The following PTCH2 variants were observed in gnomAD, a reference collection of about 807,000 sequenced individuals.
PTCH2 encodes the protein protein patched homolog 2.
PTCH2 carries 96 observed loss-of-function variants against 117.9 expected under a neutral mutation model. That is an observed-to-expected ratio of 0.81 (90% CI 0.69 to 0.96). The LOEUF (loss-of-function observed/expected upper bound fraction) is 0.96. PTCH2 is among the 50% of genes least tolerant of loss of function. The pLI, the probability that PTCH2 is intolerant of heterozygous loss-of-function variation, is 0.00. For missense variants in PTCH2, 1,379 were observed against 1,562.5 expected (o/e 0.88, Z 1.98); for synonymous variants, 615 against 660.9 (o/e 0.93, Z 1.06).
chr1:44,819,848 G>T (rs757919440), downstream of PTCH2: 1 of 152,934 alleles, frequency 6.5e-6, no homozygotes, highest in Non-Finnish European at 1.5e-5. Flanking sequence ...AAGTTCCTTG[G>T]TTGTAGTTGC....
intron 2 of PTCH2, among the ~76,000 whole-genome samples, chr1:44,838,624 C>A (rs771933019): frequency 6.6e-6 from 1 of 152,184 alleles, no homozygotes; most frequent in Non-Finnish European, 1.5e-5. Context: ...AGTCAAATTC[C>A]AAGTCTCACT....
chr1:44,839,318 C>T (rs2148884694), intron 2 of PTCH2, among the ~76,000 whole-genome samples: 2 of 132,644 alleles, frequency 1.5e-5, no homozygotes, highest in East Asian at 2.4e-4. Flanking sequence ...GCCGAGATTG[C>T]GTCACTGCAC....
intron 15 of PTCH2, 38 bp from the exon 16 acceptor site, chr1:44,827,347 C>A (rs370175353): frequency 2.5e-6 from 4 of 1,613,538 alleles, no homozygotes; most frequent in Non-Finnish European, 3.4e-6. Context: ...TAGCTGGTGG[C>A]CCCAGGGCGT....
At chr1:44,832,706 C>T (rs2148880640) in intron 2 of PTCH2, among the ~76,000 whole-genome samples, 1 of 152,290 alleles carries the variant, frequency 6.6e-6, no homozygotes, top group Non-Finnish European at 1.5e-5. Context: ...GGAACCCTCG[C>T]TCAGTCCCTC....
rs1456739317 is a variant in PTCH2, at chr1:44,823,770, C to T, written c.3115-385G>A. Among the ~76,000 whole-genome samples the T allele has an allele frequency of 1.3e-5, 2 of 152,108 alleles. No individual in the cohort carries two copies. Among genetic ancestry groups the T allele is most frequent in the African/African-American group, 2.4e-5 (1 of 41,414 alleles). On this transcript the variant is annotated intron_variant, in intron 19 of 21. Transcript: ENST00000372192. The surrounding 1 kb of genome is among the most constrained non-coding windows in gnomAD (Gnocchi z 5.1). ...CCTGGGAAACATGGCAAAACCCTGT[C>T]TCTATAACAAATACAAAAATTAGCT...
chr1:44,820,287 C>T (rs1372015856), downstream of PTCH2: 26 of 467,430 alleles, frequency 5.6e-5, no homozygotes, highest in East Asian at 5.1e-4. Context: ...CTCCTATGCT[C>T]CTCTCTGCTG....
At chr1:44,839,672 A>G (rs1424877348) in intron 2 of PTCH2, among the ~76,000 whole-genome samples, 1 of 152,154 alleles carries the variant, frequency 6.6e-6, no homozygotes, top group Non-Finnish European at 1.5e-5. Flanking sequence ...TCCAAGAGTC[A>G]TCTGGGACCA....
intron 6 of PTCH2, 112 bp from the exon 7 acceptor site, chr1:44,830,142 G>A: frequency 2.1e-6 from 3 of 1,429,990 alleles, no homozygotes; most frequent in Non-Finnish European, 2.9e-6. Context: ...TAGGGCTGGA[G>A]TGTAGGTAAC....
chr1:44,825,683 C>T (rs147644240), intron 19 of PTCH2, among the ~76,000 whole-genome samples: 4 of 151,774 alleles, frequency 2.6e-5, no homozygotes, highest in South Asian at 2.1e-4. Flanking sequence ...TGAGCCACCA[C>T]GCCCAGCTAA....
At chr1:44,839,381 A>AAAAAAC (rs1432034383) in intron 2 of PTCH2, among the ~76,000 whole-genome samples, 2 of 150,564 alleles carry the variant, frequency 1.3e-5, no homozygotes, top group African/African-American at 4.9e-5. Context: ...AAAAAAAAAA[A>AAAAAAC]AACAGAAAGA....
At chr1:44,825,201 G>C (rs1026203894) in intron 19 of PTCH2, among the ~76,000 whole-genome samples, 2 of 150,530 alleles carry the variant, frequency 1.3e-5, no homozygotes, top group African/African-American at 2.4e-5. Context: ...CAGTGGCATG[G>C]TCTCGGCTCA....
rs559122791 is a variant in PTCH2 at position 44,841,790 on chromosome 1, C to G, written c.265+57G>C. On this transcript the variant is annotated intron_variant, in intron 2 of 21. Transcript: ENST00000372192. ...GAGCTCAGTAGCCAGCTCCTCACCC[C>G]GTTCTTGTCTTGGGCTCACCATACC... 3.8e-6 allele frequency: 6 copies of G among 1,593,842 alleles called. No individual in the cohort carries two copies. In the Admixed American group the frequency reaches 1.0e-4, roughly 27 times the overall value.
Position 44,827,434 on chromosome 1 carries a change from G to C in PTCH2, c.2339C>G (p.Thr780Ser), listed in dbSNP as rs1653207667. 1 of 1,613,962 alleles carries C rather than the reference G, an allele frequency of 6.2e-7. No individual in the cohort carries two copies. The highest frequency in any genetic ancestry group is 8.5e-7 in the Non-Finnish European group (1 of 1,180,008). Reference protein sequence around the residue: ...LPPPATQAPRTWLHYYRNWLQ... With the variant: ...LPPPATQAPRSWLHYYRNWLQ... Reference sequence around the variant, plus strand: ...CCAGTTGCGGTAATAGTGCAGCCAGGTGCGGGGTGCCTGGGTGGCCGGTGG... The same window carrying C: ...CCAGTTGCGGTAATAGTGCAGCCAGCTGCGGGGTGCCTGGGTGGCCGGTGG... The change falls in exon 15 of 22, where the codon ACC becomes AGC. Residue 780 changes from threonine to serine, a missense_variant. Thr to Ser is a moderately conservative substitution (Grantham distance 58, BLOSUM62 1). Transcript: ENST00000372192.
rs11573548 is a variant in PTCH2, at chr1:44,839,287, G to A, written c.265+2560C>T. On this transcript the variant is annotated intron_variant, in intron 2 of 21. Coordinates refer to ENST00000372192, the MANE Select transcript of PTCH2 (RefSeq NM_003738.5). ...CTACTCTGGAGAATCGCTTGAACCC[G>A]GGAGGCGGAGGTTGCAGTGAGCCGA... 9.9e-3 allele frequency among the ~76,000 whole-genome samples: 1,487 copies of A among 150,344 alleles called. 77 individuals are homozygous for A. The highest frequency in any genetic ancestry group is 0.088 in the Admixed American group (1,315 of 15,028).
rs370819522 is a variant in PTCH2, at chr1:44,829,610, C to A, written c.1083+4G>T. 6.2e-7 allele frequency: 1 copy of A among 1,614,056 alleles called. No homozygotes were observed. The highest frequency in any genetic ancestry group is 1.3e-5 in the African/African-American group (1 of 74,912). ...GCACCCCCCTTGTCCTTGTCCATAC[C>A]GACCTGCACAAAGCGCCGCTGCCAG... On this transcript the variant is annotated splice_donor_region_variant and intron_variant, in intron 8 of 21. Transcript: ENST00000372192.
At chr1:44,842,353 G>A (rs1417534553) in intron 1 of PTCH2, among the ~76,000 whole-genome samples, 1 of 145,818 alleles carries the variant, frequency 6.9e-6, no homozygotes, top group Non-Finnish European at 1.5e-5. Context: ...GATCTCGGCT[G>A]ACTGCAACCT....
In PTCH2 at chr1:44,831,166, G is replaced by A; in HGVS notation, c.618-123C>T. On this transcript the variant is annotated intron_variant, in intron 5 of 21. Coordinates refer to ENST00000372192, the MANE Select transcript of PTCH2 (RefSeq NM_003738.5). The surrounding 1 kb of genome is among the most constrained non-coding windows in gnomAD (Gnocchi z 4.3). ...TGCCGATTTGTCCTTCCATATGGAGGGTGTGCAAGCCTCAGCTTCTCAGAA... is the reference window on the plus strand; with the variant it reads ...TGCCGATTTGTCCTTCCATATGGAGAGTGTGCAAGCCTCAGCTTCTCAGAA... 1 of 1,033,106 alleles carries A rather than the reference G, an allele frequency of 9.7e-7. No homozygotes were observed. Among genetic ancestry groups the A allele is most frequent in the Non-Finnish European group, 1.4e-6 (1 of 707,066 alleles). The allele number at this position is 1,033,106 out of a possible 1,614,324, so 64.0% of individuals were successfully genotyped here.
chr1:44,820,925 C>A (rs996906410), downstream of PTCH2, among the ~76,000 whole-genome samples: 1 of 152,208 alleles, frequency 6.6e-6, no homozygotes, highest in Non-Finnish European at 1.5e-5. Flanking sequence ...ACTCTAGGTT[C>A]TCTGCCAACT....
At chr1:44,820,771 A>C, downstream of PTCH2, 2 of 715,932 alleles carry the variant, frequency 2.8e-6, no homozygotes, top group Non-Finnish European at 5.2e-6. Flanking sequence ...TCCGCTGGTA[A>C]GTGGCACTGA....
Sources: allele counts gnomAD v4.1 joint callset (sites outside exome capture counted in the v4.1 genomes callset), GRCh38; gene constraint gnomAD v4.1.1; non-coding constraint Gnocchi (gnomAD v3.1); transcripts MANE v1.5; gene names NCBI Gene and HGNC (gene_info 2026-07-23, HGNC 2026-07-21).